DYM: variants seen among roughly 807,000 people sequenced by gnomAD.
DYM encodes dyggve-Melchior-Clausen syndrome protein.
In DYM, 78 loss-of-function variants were observed where a neutral mutation model predicts 93.1. The ratio of observed to expected loss-of-function variants is 0.84; its 90% CI spans 0.70 to 1.01. The LOEUF is 1.01. Ranked by LOEUF, DYM falls within the 50% of genes least tolerant of loss-of-function variation. DYM has a pLI of 0.00. For missense variants in DYM, 789 were observed against 845.0 expected, an observed-to-expected ratio of 0.93 and a Z score of 0.82; for synonymous variants, 321 against 319.7, an observed-to-expected ratio of 1.00 and a Z score of -0.04.
rs550056315 is a variant in DYM at position 49,232,756 on chromosome 18, G to A, written c.1461-23041C>T. On this transcript the variant is annotated intron_variant, in intron 13 of 17. Coordinates refer to ENST00000675505, the MANE Select transcript of DYM (RefSeq NM_001353214.3). ...CTCAAGTAGCTGGGATTACAGATGC[G>A]CGCCACCACGCCTGGCTAATTTTGG... 1.6e-3 allele frequency among the ~76,000 whole-genome samples: 242 copies of A among 151,548 alleles called. 2 individuals are homozygous for A. Among genetic ancestry groups the A allele is most frequent in the Non-Finnish European group, 2.8e-3 (191 of 67,848 alleles).
chr18:49,435,066 A>C (rs1259524760), intron 1 of DYM, among the ~76,000 whole-genome samples: 20 of 150,592 alleles, frequency 1.3e-4, no homozygotes, highest in Non-Finnish European at 3.0e-5. Context: ...AAATTAGCAC[A>C]GCATGGTGGT....
intron 13 of DYM, among the ~76,000 whole-genome samples, chr18:49,217,881 C>T (rs959343947): frequency 1.3e-5 from 2 of 152,198 alleles, no homozygotes; most frequent in African/African-American, 4.8e-5. Flanking sequence ...ATCATAACCA[C>T]AGGATCAAAT....
intron 6 of DYM, among the ~76,000 whole-genome samples, chr18:49,349,418 T>C (rs1029182544): frequency 7.9e-5 from 12 of 152,182 alleles, no homozygotes; most frequent in Non-Finnish European, 1.8e-4. Flanking sequence ...ATTGAAAAGA[T>C]GGACATATAA....
At chr18:49,362,761 T>C (rs2066145710) in intron 6 of DYM, among the ~76,000 whole-genome samples, 1 of 152,190 alleles carries the variant, frequency 6.6e-6, no homozygotes, top group Non-Finnish European at 1.5e-5. Context: ...AACGAAAACC[T>C]GGCTTCAAAA....
chr18:49,340,320 GT>G (rs1454557683), intron 6 of DYM, among the ~76,000 whole-genome samples: 1 of 151,836 alleles, frequency 6.6e-6, no homozygotes, highest in Non-Finnish European at 1.5e-5. Flanking sequence ...CTTAAAAACA[GT>G]TTTGAGAGGA....
chr18:49,212,449 T>G (rs1019404040), intron 13 of DYM, among the ~76,000 whole-genome samples: 1 of 152,082 alleles, frequency 6.6e-6, no homozygotes, highest in African/African-American at 2.4e-5. Flanking sequence ...TTTTAACATT[T>G]GGGAATGTGA....
At chr18:49,181,666 T>C (rs1006755769) in intron 14 of DYM, among the ~76,000 whole-genome samples, 3 of 152,156 alleles carry the variant, frequency 2.0e-5, no homozygotes, top group Admixed American at 2.0e-4. Flanking sequence ...TAGGGATACC[T>C]AATCTGTGTA....
chr18:49,068,181 A>T (rs1240351744), intron 17 of DYM, among the ~76,000 whole-genome samples: 2 of 152,174 alleles, frequency 1.3e-5, no homozygotes, highest in Non-Finnish European at 2.9e-5. Flanking sequence ...TGCAGAGAAA[A>T]GCCATGTGTA....
At chr18:49,268,521 A>T (rs1379162949) in intron 11 of DYM, among the ~76,000 whole-genome samples, 1 of 152,214 alleles carries the variant, frequency 6.6e-6, no homozygotes, top group Non-Finnish European at 1.5e-5. Flanking sequence ...GAATGAGGAT[A>T]CAGAAAAGTA....
At chr18:49,340,946 A>G (rs1331106645) in intron 6 of DYM, among the ~76,000 whole-genome samples, 1 of 152,244 alleles carries the variant, frequency 6.6e-6, no homozygotes, top group Admixed American at 6.5e-5. Context: ...TAACTAAATC[A>G]AGGACACAGG....
At chr18:49,454,891 G>A (rs952707084) in intron 1 of DYM, among the ~76,000 whole-genome samples, 2 of 128,284 alleles carry the variant, frequency 1.6e-5, no homozygotes, top group Non-Finnish European at 3.1e-5. Flanking sequence ...CTGGGTGATA[G>A]AGCGAGACTC....
At chr18:49,277,446 G>A (rs1249145901) in intron 10 of DYM, among the ~76,000 whole-genome samples, 3 of 152,154 alleles carry the variant, frequency 2.0e-5, no homozygotes, top group African/African-American at 7.2e-5. Context: ...GGAAAGCCAA[G>A]GTATATGTTT....
At chr18:49,124,793 C>T (rs1334106753) in intron 15 of DYM, among the ~76,000 whole-genome samples, 1 of 152,176 alleles carries the variant, frequency 6.6e-6, no homozygotes, top group Non-Finnish European at 1.5e-5. Flanking sequence ...TTACAGCAAA[C>T]ACATTTTACA....
rs993469876 is a variant in DYM at position 49,111,191 on chromosome 18, C to CT, written c.1911+7552dup. On this transcript the variant is annotated intron_variant, in intron 16 of 17. Transcript: ENST00000675505. ...AATATAGTTTCTGTAACATATTCTT[C>CT]TTTTTTTTTTTTAAACAACCCTTTA... Among the ~76,000 whole-genome samples the CT allele has an allele frequency of 3.7e-3, 553 of 149,738 alleles. 5 individuals carry two copies. Among genetic ancestry groups the CT allele is most frequent in the African/African-American group, 0.012 (496 of 40,430 alleles).
chr18:49,053,167 C>T (rs1362888286), intron 17 of DYM, among the ~76,000 whole-genome samples: 5 of 152,168 alleles, frequency 3.3e-5, no homozygotes, highest in East Asian at 1.9e-4. Context: ...GACATCCGGA[C>T]GCCCAGCTCA....
intron 11 of DYM, among the ~76,000 whole-genome samples, chr18:49,268,532 T>C (rs2094610640): frequency 6.6e-6 from 1 of 152,192 alleles, no homozygotes; most frequent in South Asian, 2.1e-4. Flanking sequence ...CAGAAAAGTA[T>C]AGAAAATAGC....
At chr18:49,421,433 G>T (rs1420593323) in intron 2 of DYM, among the ~76,000 whole-genome samples, 1 of 152,130 alleles carries the variant, frequency 6.6e-6, no homozygotes, top group Non-Finnish European at 1.5e-5. Context: ...TGCAGCTGAG[G>T]GTCCTGACTG....
At chr18:49,147,054 T>A (rs1042382323) in intron 15 of DYM, among the ~76,000 whole-genome samples, 1 of 151,972 alleles carries the variant, frequency 6.6e-6, no homozygotes, top group Non-Finnish European at 1.5e-5. Flanking sequence ...TATCTACAAC[T>A]ATCTGATCTT....
At chr18:49,187,919 G>C (rs1223898725) in intron 14 of DYM, among the ~76,000 whole-genome samples, 3 of 152,050 alleles carry the variant, frequency 2.0e-5, no homozygotes, top group South Asian at 2.1e-4. Flanking sequence ...TATGGAGAGA[G>C]ATATCAAACT....
Sources: gnomAD v4.1 joint callset for allele counts (sites outside exome capture counted in the v4.1 genomes callset) on GRCh38, gnomAD v4.1.1 for gene constraint, MANE v1.5 for transcripts, NCBI Gene and HGNC (gene_info 2026-07-23, HGNC 2026-07-21) for gene names.